Variants in LRMDA observed in about 807,000 individuals in gnomAD.
LRMDA encodes leucine rich melanocyte differentiation associated.
A neutral mutation model predicts 29.8 loss-of-function variants in LRMDA; 18 were observed. The observed-to-expected ratio is 0.60, with a 90% CI of 0.42 to 0.90. The LOEUF (loss-of-function observed/expected upper bound fraction) is 0.90, where lower values mean the gene tolerates loss of function less well. Among genes scored for constraint, LRMDA ranks in the 40% least tolerant of loss-of-function variants. The pLI, the probability that LRMDA is intolerant of heterozygous loss-of-function variation, is 0.00. For synonymous variants in LRMDA, 125 were observed against 109.4 expected (o/e 1.14, Z -0.89); for missense variants, 273 against 273.9 (o/e 1.00, Z 0.02).
intron 5 of LRMDA, among the ~76,000 whole-genome samples, chr10:76,189,156 G>A (rs923473777): frequency 3.3e-5 from 5 of 152,080 alleles, no homozygotes; most frequent in Non-Finnish European, 1.5e-5. Flanking sequence ...TTGGGAGTTT[G>A]AGACCAGCCT....
At chr10:75,734,224 T>A (rs1842732859) in intron 2 of LRMDA, among the ~76,000 whole-genome samples, 1 of 152,018 alleles carries the variant, frequency 6.6e-6, no homozygotes, top group Non-Finnish European at 1.5e-5. Context: ...AAGAAAAAAA[T>A]TAAACAATAA....
At chr10:75,883,908 A>G (rs1304723139) in intron 2 of LRMDA, among the ~76,000 whole-genome samples, 1 of 151,824 alleles carries the variant, frequency 6.6e-6, no homozygotes, top group African/African-American at 2.4e-5. Context: ...CTTGCCAAAT[A>G]AAAGAAAAAT....
chr10:75,536,996 G>C (rs1251334163), intron 2 of LRMDA, among the ~76,000 whole-genome samples: 1 of 152,132 alleles, frequency 6.6e-6, no homozygotes, highest in African/African-American at 2.4e-5. Flanking sequence ...TCCTACTGGT[G>C]GTTGGTAATT....
intron 2 of LRMDA, among the ~76,000 whole-genome samples, chr10:75,970,921 A>C (rs1846956375): frequency 6.6e-6 from 1 of 152,170 alleles, no homozygotes; most frequent in Admixed American, 6.5e-5. Flanking sequence ...AGCCATTGTT[A>C]TATTGGGTAT....
chr10:75,834,387 A>G (rs1381761224), intron 2 of LRMDA, among the ~76,000 whole-genome samples: 1 of 152,154 alleles, frequency 6.6e-6, no homozygotes. Flanking sequence ...TTATTTGCCA[A>G]AGGTTGTTCA....
Position 76,266,862 on chromosome 10 carries a change from G to A in LRMDA, c.517-57539G>A, listed in dbSNP as rs188450291. On this transcript the variant is annotated intron_variant, in intron 5 of 6. Transcript: ENST00000611255. ...TTCACAAGTTAGAATTTAAAAACTA[G>A]ACTTGTAACAGGAGATGAGTTTGTT... Among the ~76,000 whole-genome samples, 16 of 152,246 alleles carry A rather than the reference G, an allele frequency of 1.1e-4. No individual in the cohort carries two copies. In the East Asian group the frequency reaches 2.9e-3, roughly 28 times the overall value.
intron 5 of LRMDA, among the ~76,000 whole-genome samples, chr10:76,216,703 A>G (rs1851735209): frequency 6.6e-6 from 1 of 152,228 alleles, no homozygotes; most frequent in African/African-American, 2.4e-5. Context: ...GTTGCTGATG[A>G]GAGTACAAAT....
rs1841588786 is a variant in LRMDA, at chr10:76,381,257, A to G, written c.601+56772A>G. Reference sequence around the variant, plus strand: ...CAGTGGAGCCAGTAATTCTCAAAACATTTGTACGTCATTTAGGACTCTTTT... The same window carrying G: ...CAGTGGAGCCAGTAATTCTCAAAACGTTTGTACGTCATTTAGGACTCTTTT... On this transcript the variant is annotated intron_variant, in intron 6 of 6. Transcript: ENST00000611255. 2.0e-5 allele frequency among the ~76,000 whole-genome samples: 3 copies of G among 152,170 alleles called. No homozygotes were observed. The East Asian group carries it at 5.8e-4, about 29-fold the overall frequency.
intron 5 of LRMDA, among the ~76,000 whole-genome samples, chr10:76,193,604 G>A (rs1851283428): frequency 6.6e-6 from 1 of 152,154 alleles, no homozygotes; most frequent in African/African-American, 2.4e-5. Context: ...AAGAAGCTAA[G>A]ATGAATGTGC....
At chr10:75,887,262 T>A (rs185657946) in intron 2 of LRMDA, among the ~76,000 whole-genome samples, 107 of 152,030 alleles carry the variant, frequency 7.0e-4, no homozygotes, top group African/African-American at 2.5e-3. Flanking sequence ...TGACTGCTAT[T>A]CCTTATAGTC....
chr10:75,839,438 C>T (rs1844496639), intron 2 of LRMDA, among the ~76,000 whole-genome samples: 1 of 152,044 alleles, frequency 6.6e-6, no homozygotes, highest in Non-Finnish European at 1.5e-5. Context: ...GAAGTAAGGG[C>T]GTGCAAGAAT....
At chr10:75,685,205 A>G (rs763782201) in intron 2 of LRMDA, among the ~76,000 whole-genome samples, 12 of 152,188 alleles carry the variant, frequency 7.9e-5, no homozygotes, top group Non-Finnish European at 1.6e-4. Context: ...CAACAAATAG[A>G]AAGGTACTTT....
intron 3 of LRMDA, among the ~76,000 whole-genome samples, chr10:76,044,455 T>TTC (rs1409021479): frequency 1.4e-5 from 2 of 144,002 alleles, no homozygotes; most frequent in African/African-American, 5.1e-5. Flanking sequence ...TTTTTTTTTT[T>TTC]TCTTTTGTTG....
chr10:76,277,737 A>G (rs780865866), intron 5 of LRMDA, among the ~76,000 whole-genome samples: 1 of 152,044 alleles, frequency 6.6e-6, no homozygotes, highest in Non-Finnish European at 1.5e-5. Flanking sequence ...TTTACCCTCA[A>G]AGTTGCAGTT....
chr10:76,146,611 G>A (rs1171020232), intron 5 of LRMDA, among the ~76,000 whole-genome samples: 4 of 152,130 alleles, frequency 2.6e-5, no homozygotes, highest in Non-Finnish European at 5.9e-5. Flanking sequence ...TTTCCTGAAT[G>A]CAGCACACCG....
chr10:75,812,538 G>T (rs1843983159), intron 2 of LRMDA, among the ~76,000 whole-genome samples: 1 of 152,140 alleles, frequency 6.6e-6, no homozygotes, highest in Non-Finnish European at 1.5e-5. Flanking sequence ...ATGATTTTCT[G>T]GGGCAATTCT....
chr10:75,804,800 G>A (rs1843820261), intron 2 of LRMDA, among the ~76,000 whole-genome samples: 2 of 152,194 alleles, frequency 1.3e-5, no homozygotes. Flanking sequence ...CTTTGTATAA[G>A]CTGTTTTGAG....
At chr10:76,399,074 G>A (rs951628954) in intron 6 of LRMDA, among the ~76,000 whole-genome samples, 8 of 152,210 alleles carry the variant, frequency 5.3e-5, no homozygotes, top group East Asian at 3.9e-4. Context: ...CACTAATTCT[G>A]GTCATAGATG....
intron 6 of LRMDA, among the ~76,000 whole-genome samples, chr10:76,331,875 G>A (rs1564726507): frequency 6.6e-6 from 1 of 152,040 alleles, no homozygotes; most frequent in South Asian, 2.1e-4. Flanking sequence ...TTATTTAATC[G>A]AGGTGACTAG....
Sources: gnomAD v4.1 joint callset for allele counts (sites outside exome capture counted in the v4.1 genomes callset) on GRCh38, gnomAD v4.1.1 for gene constraint, MANE v1.5 for transcripts, NCBI Gene and HGNC (gene_info 2026-07-23, HGNC 2026-07-21) for gene names.